The following ASCC3 variants were observed in gnomAD, a reference collection of about 807,000 sequenced individuals.
ASCC3 encodes the protein activating signal cointegrator 1 complex subunit 3.
Under a neutral mutation model 256.3 loss-of-function variants are expected in ASCC3, and 158 were observed. The observed-to-expected ratio is 0.62, with a 90% confidence interval of 0.54 to 0.70. The LOEUF (loss-of-function observed/expected upper bound fraction) is 0.70, where lower values mean the gene tolerates loss of function less well. Among genes scored for constraint, ASCC3 ranks in the 30% least tolerant of loss-of-function variants. ASCC3 has a pLI of 0.00. For missense variants in ASCC3, 2,259 were observed against 2,626.0 expected (o/e 0.86, Z 3.05); for synonymous variants, 948 against 883.4 (o/e 1.07, Z -1.30).
intron 10 of ASCC3, among the ~76,000 whole-genome samples, chr6:100,764,405 T>C (rs1781553739): frequency 6.6e-6 from 1 of 152,138 alleles, no homozygotes; most frequent in Non-Finnish European, 1.5e-5. Flanking sequence ...TAAAAAGCAA[T>C]GTTCATTTAA....
intron 36 of ASCC3, among the ~76,000 whole-genome samples, chr6:100,580,569 A>G (rs1771166570): frequency 1.3e-5 from 2 of 151,440 alleles, no homozygotes; most frequent in Admixed American, 6.7e-5. Flanking sequence ...GACCCAAAAT[A>G]AAAATCTTTT....
chr6:100,650,632 C>G lies in ASCC3; in HGVS notation c.3158G>C (p.Ser1053Thr). The change falls in exon 20 of 42, where the codon AGT becomes ACT. Residue 1053 changes from serine to threonine, a missense_variant. Transcript: ENST00000369162. ...ELSTPGGVEN[S>T]YGKINILLQT... ...AAGTAAGATGTTTATTTTCCCATAA[C>G]TATTCTCTACACCTCCAGGAGTGGA... 6.2e-7 allele frequency: 1 copy of G among 1,612,754 alleles called. No individual in the cohort carries two copies. Among genetic ancestry groups the G allele is most frequent in the South Asian group, 1.1e-5 (1 of 91,042 alleles).
intron 30 of ASCC3, among the ~76,000 whole-genome samples, chr6:100,623,617 A>G (rs1328508428): frequency 6.6e-6 from 1 of 152,162 alleles, no homozygotes; most frequent in African/African-American, 2.4e-5. Flanking sequence ...ATGAGATTAC[A>G]AAGTGGGAAC....
intron 30 of ASCC3, among the ~76,000 whole-genome samples, chr6:100,608,278 TTATA>T (rs1390340583): frequency 1.8e-5 from 1 of 54,916 alleles, no homozygotes; most frequent in Non-Finnish European, 2.9e-5. Context: ...TATATATACT[TTATA>T]TATACTTTAT....
intron 4 of ASCC3, among the ~76,000 whole-genome samples, chr6:100,811,355 T>C (rs1770460409): frequency 6.6e-6 from 1 of 152,184 alleles, no homozygotes; most frequent in Admixed American, 6.6e-5. Flanking sequence ...TCTTTCTCCC[T>C]TCATCACCAA....
At chr6:100,516,128 T>A (rs1025994144) in intron 39 of ASCC3, 52 bp downstream of exon 39, 36 of 1,611,566 alleles carry the variant, frequency 2.2e-5, no homozygotes, top group Non-Finnish European at 2.8e-5. Context: ...AAACTCTTGG[T>A]ACACCTTCTC....
chr6:100,867,915 T>G lies in ASCC3; in HGVS notation c.83A>C (p.Asp28Ala). Residue 28 changes from aspartate to alanine, a missense_variant, in exon 2 of 42, where the codon GAC becomes GCC. By Grantham distance (126) the Asp-to-Ala change is moderately radical. This residue lies in a region of ASCC3 where 420 missense variants were observed against 419.3 expected (regional missense o/e 1.00). Coordinates refer to ENST00000369162, the MANE Select transcript of ASCC3 (RefSeq NM_006828.4). ...KQDNYNEEVADLKIKRSKLHE... is the reference protein window; with the variant it reads ...KQDNYNEEVAALKIKRSKLHE... ...TACCTTTAACAAATCTACCTTTAAG[T>G]CAGCCACTTCTTCATTATAATTATC... is the stretch of plus-strand genomic sequence containing the variant. The G allele has an allele frequency of 6.2e-7, 1 of 1,611,524 alleles. No homozygotes were observed. Among genetic ancestry groups the G allele is most frequent in the Non-Finnish European group, 8.5e-7 (1 of 1,177,754 alleles).
At chr6:100,866,653 A>G (rs1773493377) in intron 2 of ASCC3, among the ~76,000 whole-genome samples, 1 of 152,196 alleles carries the variant, frequency 6.6e-6, no homozygotes, top group Non-Finnish European at 1.5e-5. Context: ...ATTTAGACAC[A>G]TAAAAAGACA....
chr6:100,825,389 A>C (rs1362799517), intron 4 of ASCC3, among the ~76,000 whole-genome samples: 1 of 151,408 alleles, frequency 6.6e-6, no homozygotes, highest in African/African-American at 2.4e-5. Flanking sequence ...ACTTCTTACT[A>C]CTACTCTTAT....
chr6:100,804,059 C>A (rs1770050030), intron 5 of ASCC3, among the ~76,000 whole-genome samples: 1 of 152,052 alleles, frequency 6.6e-6, no homozygotes, highest in Non-Finnish European at 1.5e-5. Flanking sequence ...AAGTTTTGTT[C>A]CCTAGCCAAC....
chr6:100,727,183 T>C (rs559146522), intron 10 of ASCC3, among the ~76,000 whole-genome samples: 1 of 152,096 alleles, frequency 6.6e-6, no homozygotes, highest in African/African-American at 2.4e-5. Flanking sequence ...TATTCCTCCT[T>C]GAGGAGGGGA....
At chr6:100,814,951 T>C (rs1272841777) in intron 4 of ASCC3, among the ~76,000 whole-genome samples, 6 of 152,196 alleles carry the variant, frequency 3.9e-5, no homozygotes, top group Admixed American at 3.3e-4. Flanking sequence ...AGCTCTGATT[T>C]TGATTATTTG....
intron 25 of ASCC3, among the ~76,000 whole-genome samples, chr6:100,632,731 A>G (rs1040825439): frequency 3.3e-5 from 5 of 152,124 alleles, no homozygotes; most frequent in Non-Finnish European, 5.9e-5. Context: ...TAAGCAAAAG[A>G]TATTCTCTTC....
At chr6:100,755,045 T>C (rs1376584048) in intron 10 of ASCC3, among the ~76,000 whole-genome samples, 2 of 152,040 alleles carry the variant, frequency 1.3e-5, no homozygotes, top group Admixed American at 1.3e-4. Context: ...TATTTCTTCA[T>C]AGCAGTATGA....
chr6:100,534,803 A>G (rs1775083561), intron 37 of ASCC3, among the ~76,000 whole-genome samples: 1 of 152,210 alleles, frequency 6.6e-6, no homozygotes, highest in South Asian at 2.1e-4. Flanking sequence ...CTCTGACTTC[A>G]AGCCAGGAGG....
intron 12 of ASCC3, 59 bp from the exon 13 acceptor site, chr6:100,715,592 C>T: frequency 6.7e-7 from 1 of 1,491,164 alleles, no homozygotes; most frequent in Non-Finnish European, 9.2e-7. Flanking sequence ...TTTCTAACTA[C>T]AAATAAAATT....
intron 36 of ASCC3, 114 bp downstream of exon 36, chr6:100,589,518 GTT>G (rs2114771150): frequency 5.8e-5 from 72 of 1,249,108 alleles, no homozygotes; most frequent in Non-Finnish European, 7.9e-5. Flanking sequence ...TAGTGACCTT[GTT>G]TGACAGAGGA....
At chr6:100,846,100 T>G (rs1772368557) in intron 4 of ASCC3, among the ~76,000 whole-genome samples, 1 of 151,548 alleles carries the variant, frequency 6.6e-6, no homozygotes, top group South Asian at 2.1e-4. Context: ...ATTATCCTCT[T>G]TCCAGGCTTA....
chr6:100,864,875 C>G (rs1773406397), intron 2 of ASCC3, among the ~76,000 whole-genome samples: 1 of 152,078 alleles, frequency 6.6e-6, no homozygotes, highest in Admixed American at 6.6e-5. Flanking sequence ...TTTGAGACTA[C>G]AAATCTTTCC....
Sources: gnomAD v4.1 joint callset for allele counts (sites outside exome capture counted in the v4.1 genomes callset) on GRCh38, gnomAD v4.1.1 for gene constraint, gnomAD v4.1.1 regional missense constraint, MANE v1.5 for transcripts, NCBI Gene and HGNC (gene_info 2026-07-23, HGNC 2026-07-21) for gene names.